Variants in MSI2 observed in about 807,000 individuals in gnomAD.
MSI2 encodes musashi RNA binding protein 2.
A neutral mutation model predicts 45.6 loss-of-function variants in MSI2; 17 were observed. The ratio of observed to expected loss-of-function variants is 0.37; its 90% CI spans 0.26 to 0.56. MSI2 has a LOEUF of 0.56. Ranked by LOEUF, MSI2 falls within the 20% of genes least tolerant of loss-of-function variation. The pLI is 0.77. For synonymous variants in MSI2, 156 were observed against 158.2 expected (o/e 0.99, Z 0.11); for missense variants, 293 against 444.2 (o/e 0.66, Z 3.06).
intron 11 of MSI2, among the ~76,000 whole-genome samples, chr17:57,659,374 G>A (rs35065479): frequency 0.16 from 24,218 of 152,052 alleles, 2,390 homozygotes; most frequent in East Asian, 0.44. Flanking sequence ...GGAATTACAG[G>A]TGTGAGCCAC....
At chr17:57,601,295 CACCCAAGCTCAGGGCCAA>C (rs1905841518) in intron 8 of MSI2, 1 of 152,288 alleles carries the variant, frequency 6.6e-6, no homozygotes, top group Admixed American at 6.5e-5. Flanking sequence ...AGCTGACTGC[CACCCAAGCTCAGGGCCAA>C]ACCCACAAGC....
chr17:57,696,112 C>T, the MSI2 span, among the ~76,000 whole-genome samples: 1 of 152,242 alleles, frequency 6.6e-6, no homozygotes, highest in Admixed American at 6.5e-5. Context: ...TAACACCCCC[C>T]CAAAAAAGCT....
At chr17:57,340,045 C>T (rs1055059589) in intron 5 of MSI2, among the ~76,000 whole-genome samples, 1 of 152,206 alleles carries the variant, frequency 6.6e-6, no homozygotes, top group Admixed American at 6.5e-5. Context: ...GTGTGGGTTC[C>T]AGCCCTTCCT....
At chr17:57,448,769 G>A (rs960651570) in intron 6 of MSI2, 6 of 152,246 alleles carry the variant, frequency 3.9e-5, no homozygotes, top group African/African-American at 9.7e-5. Context: ...GGGGCAGCAA[G>A]GGAAGCCTAG....
intron 4 of MSI2, among the ~76,000 whole-genome samples, chr17:57,261,492 CA>C (rs1049584924): frequency 2.6e-5 from 4 of 151,916 alleles, no homozygotes; most frequent in African/African-American, 9.7e-5. Context: ...TTCTTTACTT[CA>C]AAAAATTATT....
intron 6 of MSI2, among the ~76,000 whole-genome samples, chr17:57,503,348 T>C (rs979976759): frequency 1.3e-5 from 2 of 152,236 alleles, no homozygotes; most frequent in Non-Finnish European, 2.9e-5. Context: ...AAAATGTCAT[T>C]ACACACACAT....
intron 6 of MSI2, among the ~76,000 whole-genome samples, chr17:57,521,477 G>A (rs972902196): frequency 2.0e-5 from 3 of 152,100 alleles, no homozygotes; most frequent in African/African-American, 7.2e-5. Flanking sequence ...TGGCTCTTCC[G>A]AGCTGCTTCT....
intron 5 of MSI2, among the ~76,000 whole-genome samples, chr17:57,330,209 G>A (rs762060798): frequency 1.6e-4 from 25 of 151,748 alleles, no homozygotes; most frequent in Non-Finnish European, 3.4e-4. Flanking sequence ...TGGATGTTCA[G>A]TACACTGTGC....
rs2144686567 is a variant in MSI2, at chr17:57,652,219, G to A, written c.790+58G>A. 6.7e-7 allele frequency: 1 copy of A among 1,501,692 alleles called. No individual in the cohort carries two copies. The highest frequency in any genetic ancestry group is 9.3e-7 in the Non-Finnish European group (1 of 1,078,810). The allele number at this position is 1,501,692 out of a possible 1,614,324, so 93.0% of individuals were successfully genotyped here. On this transcript the variant is annotated intron_variant, in intron 11 of 13. Coordinates refer to ENST00000284073, the MANE Select transcript of MSI2 (RefSeq NM_138962.4). This position sits in a 1 kb window ranked among gnomAD's most constrained non-coding sequence, Gnocchi z 4.1. ...GCATGCCCCCAGTGTGCAGGGGGAG[G>A]TCAAGGCCCTGTCGGATCTGTGTGG...
chr17:57,540,907 T>C (rs2087030312), intron 7 of MSI2, among the ~76,000 whole-genome samples: 1 of 152,202 alleles, frequency 6.6e-6, no homozygotes, highest in African/African-American at 2.4e-5. Context: ...CAGAGTTTCC[T>C]GCCCAGTATG....
intron 6 of MSI2, among the ~76,000 whole-genome samples, chr17:57,405,558 T>G (rs538221675): frequency 6.6e-6 from 1 of 152,330 alleles, no homozygotes; most frequent in Non-Finnish European, 1.5e-5. Context: ...ATAAGCATGG[T>G]ATATAATCAG....
the MSI2 span, among the ~76,000 whole-genome samples, chr17:57,695,247 G>A: frequency 2.0e-5 from 3 of 152,172 alleles, no homozygotes; most frequent in Admixed American, 1.3e-4. Flanking sequence ...GGAAGGGGGC[G>A]GAATATTGGG....
At chr17:57,635,944 A>G (rs960956731) in intron 10 of MSI2, among the ~76,000 whole-genome samples, 5 of 152,188 alleles carry the variant, frequency 3.3e-5, no homozygotes, top group African/African-American at 4.8e-5. Context: ...TTCCTGTCCA[A>G]TGATGGTTCT....
rs781287384 is a variant in MSI2 at position 57,334,829 on chromosome 17, G to A, written c.313-66550G>A. Among the ~76,000 whole-genome samples, 13 of 151,748 alleles carry A rather than the reference G, an allele frequency of 8.6e-5. No homozygotes were observed. In the East Asian group the frequency reaches 1.2e-3, roughly 14 times the overall value. ...ATAAATAAATAAGATAAAAAAATAC[G>A]TCCTCCAATGGACTGAGATGGAGGA... is the stretch of plus-strand genomic sequence containing the variant. On this transcript the variant is annotated intron_variant, in intron 5 of 13. Transcript: ENST00000284073.
chr17:57,386,220 C>CT (rs2083683861), intron 5 of MSI2, among the ~76,000 whole-genome samples: 1 of 152,162 alleles, frequency 6.6e-6, no homozygotes, highest in Non-Finnish European at 1.5e-5. Flanking sequence ...GATGTTCTAA[C>CT]TTTATCTTCT....
At position 57,602,757 on chromosome 17, in the gene MSI2, T is replaced by G. The variant is rs138319877; in HGVS notation, c.537+5807T>G. ...GGGTACAGCTACTTTGGTTGTCCCT[T>G]GTCTTGGAATGAGAGGTCTGGATGC... On this transcript the variant is annotated intron_variant, in intron 8 of 13. Transcript: ENST00000284073. Among the ~76,000 whole-genome samples the G allele has an allele frequency of 2.4e-4, 37 of 152,328 alleles. 1 individual carries two copies. The East Asian group carries it at 7.1e-3, about 29-fold the overall frequency.
At chr17:57,290,155 T>C (rs1291536285) in intron 5 of MSI2, among the ~76,000 whole-genome samples, 3 of 152,192 alleles carry the variant, frequency 2.0e-5, no homozygotes, top group Non-Finnish European at 4.4e-5. Context: ...GCTTCAGTTT[T>C]CTCATCTATA....
chr17:57,618,610 C>G (rs2144572395), intron 9 of MSI2, among the ~76,000 whole-genome samples: 1 of 152,290 alleles, frequency 6.6e-6, no homozygotes, highest in East Asian at 1.9e-4. Flanking sequence ...GTGGCGCGAT[C>G]TCAGCTCACT....
intron 5 of MSI2, among the ~76,000 whole-genome samples, chr17:57,337,777 C>T (rs1466004045): frequency 2.0e-5 from 3 of 152,148 alleles, no homozygotes; most frequent in African/African-American, 7.2e-5. Flanking sequence ...TGAATGCATG[C>T]TCCTTACAGA....
Sources: gnomAD v4.1 joint callset for allele counts (sites outside exome capture counted in the v4.1 genomes callset) on GRCh38, gnomAD v4.1.1 for gene constraint, Gnocchi (gnomAD v3.1) non-coding constraint, MANE v1.5 for transcripts, NCBI Gene and HGNC (gene_info 2026-07-23, HGNC 2026-07-21) for gene names.